Variants in BEND3 observed in about 807,000 individuals in gnomAD.
The protein encoded by BEND3 is BEN domain containing 3.
In BEND3, 13 loss-of-function variants were observed where a neutral mutation model predicts 60.1. The ratio of observed to expected loss-of-function variants is 0.22; its 90% confidence interval spans 0.14 to 0.34. The LOEUF (loss-of-function observed/expected upper bound fraction) is 0.34. BEND3 is among the 10% of genes least tolerant of loss of function. The probability of loss-of-function intolerance (pLI) is 1.00; values close to 1 mark genes in which losing one functional copy is unlikely to be tolerated. For missense variants in BEND3, 896 were observed against 1,138.1 expected (o/e 0.79, Z 3.06); for synonymous variants, 497 against 491.5 (o/e 1.01, Z -0.15).
Position 107,068,607 on chromosome 6 carries a change from T to A in BEND3, c.*97A>T. On this transcript the variant is annotated 3_prime_UTR_variant, in exon 4 of 4. Transcript: ENST00000369042. This position sits in a 1 kb window ranked among gnomAD's most constrained non-coding sequence, Gnocchi z 5.8. Reference sequence around the variant, plus strand: ...CCCACGGACATAAGGTGCCTGTCTGTGGATGCCATAGGCGTGCTCCCAAGT... The same window carrying A: ...CCCACGGACATAAGGTGCCTGTCTGAGGATGCCATAGGCGTGCTCCCAAGT... 7.3e-7 allele frequency: 1 copy of A among 1,365,226 alleles called. No individual in the cohort carries two copies. Among genetic ancestry groups the A allele is most frequent in the Non-Finnish European group, 9.9e-7 (1 of 1,005,476 alleles). The allele number at this position is 1,365,226 out of a possible 1,614,324, so 84.6% of individuals were successfully genotyped here.
At chr6:107,095,796 G>A (rs200407343) in intron 3 of BEND3, among the ~76,000 whole-genome samples, 1 of 152,138 alleles carries the variant, frequency 6.6e-6, no homozygotes, top group East Asian at 1.9e-4. Context: ...AATCTAAAAA[G>A]GCTACACATT....
At chr6:107,114,700 G>A (rs1770222209) in intron 1 of BEND3, among the ~76,000 whole-genome samples, 2 of 146,898 alleles carry the variant, frequency 1.4e-5, no homozygotes, top group Non-Finnish European at 3.0e-5. Context: ...GCGGCGCCCG[G>A]CGGGGGTGCG....
chr6:107,099,548 T>C (rs1554236514), intron 1 of BEND3, among the ~76,000 whole-genome samples: 1 of 152,204 alleles, frequency 6.6e-6, no homozygotes, highest in Non-Finnish European at 1.5e-5. Context: ...CATCCACTGA[T>C]AGCCACTTAC....
intron 3 of BEND3, among the ~76,000 whole-genome samples, chr6:107,074,536 T>C (rs1775059857): frequency 6.6e-6 from 1 of 152,174 alleles, no homozygotes; most frequent in African/African-American, 2.4e-5. Flanking sequence ...AATGACACTC[T>C]CAAGTACACT....
At chr6:107,107,189 G>A (rs1378103273) in intron 1 of BEND3, among the ~76,000 whole-genome samples, 2 of 150,830 alleles carry the variant, frequency 1.3e-5, no homozygotes, top group African/African-American at 2.4e-5. Context: ...CACCCGCCTC[G>A]GCCTCCCAAA....
rs782808924 is a variant in BEND3 at position 107,070,404 on chromosome 6, C to A, written c.787G>T (p.Gly263Trp). The change falls in exon 4 of 4, where the codon GGG becomes TGG. Residue 263 changes from glycine to tryptophan, a missense_variant. Transcript: ENST00000369042. This position sits in a 1 kb window ranked among gnomAD's most constrained non-coding sequence, Gnocchi z 6.9. The part of the protein sequence containing the change: ...LKQIVDQSLS[G>W]GDLACRLLVQ... ...AGCAAGCGGCAGGCCAGGTCCCCCC[C>A]TGACAGGCTCTGGTCCACGATCTGC... is the stretch of plus-strand genomic sequence containing the variant. 3 of 1,613,794 alleles carry A rather than the reference C, an allele frequency of 1.9e-6. No homozygotes were observed. Among genetic ancestry groups the A allele is most frequent in the East Asian group, 2.2e-5 (1 of 44,890 alleles).
At chr6:107,091,310 A>G (rs1775470559) in intron 3 of BEND3, among the ~76,000 whole-genome samples, 1 of 152,186 alleles carries the variant, frequency 6.6e-6, no homozygotes, top group Non-Finnish European at 1.5e-5. Flanking sequence ...AAAAAAAATT[A>G]GTGTAGAAAT....
rs1554231693 is a variant in BEND3, at chr6:107,070,094, C to T, written c.1097G>A (p.Gly366Asp). 3.7e-6 allele frequency: 6 copies of T among 1,613,414 alleles called. No individual in the cohort carries two copies. Among genetic ancestry groups the T allele is most frequent in the Middle Eastern group, 1.7e-4 (1 of 6,058 alleles). The change falls in exon 4 of 4, where the codon GGC becomes GAC. Residue 366 changes from glycine to aspartate, a missense_variant. Gly to Asp is a moderately conservative substitution (Grantham distance 94). Transcript: ENST00000369042. This position sits in a 1 kb window ranked among gnomAD's most constrained non-coding sequence, Gnocchi z 6.9. ...SFFEAEQVDP[G>D]HFLDNKDQEE... ...CTGGTCTTTGTTGTCCAGGAAGTGG[C>T]CGGGGTCCACCTGCTCTGCCTCAAA...
intron 3 of BEND3, among the ~76,000 whole-genome samples, chr6:107,078,727 C>A (rs1376036789): frequency 6.6e-6 from 1 of 151,182 alleles, no homozygotes; most frequent in East Asian, 2.0e-4. Flanking sequence ...CAGTGTCACC[C>A]CTCATGACGG....
intron 3 of BEND3, among the ~76,000 whole-genome samples, chr6:107,076,026 T>C (rs1775093074): frequency 6.6e-6 from 1 of 152,184 alleles, no homozygotes; most frequent in Non-Finnish European, 1.5e-5. Context: ...TTAAAAATGT[T>C]AGTGTCCCAG....
intron 3 of BEND3, among the ~76,000 whole-genome samples, chr6:107,091,165 A>G (rs1022088443): frequency 1.3e-5 from 2 of 152,158 alleles, no homozygotes; most frequent in Non-Finnish European, 2.9e-5. Context: ...TGTGAAATGC[A>G]GCAAAAAGAG....
chr6:107,112,242 G>A (rs962092268), intron 1 of BEND3, among the ~76,000 whole-genome samples: 2 of 152,066 alleles, frequency 1.3e-5, no homozygotes, highest in Non-Finnish European at 2.9e-5. Flanking sequence ...ATTAATATAG[G>A]ATATTACATT....
intron 3 of BEND3, among the ~76,000 whole-genome samples, chr6:107,080,161 C>G (rs1365329842): frequency 6.6e-6 from 1 of 151,588 alleles, no homozygotes; most frequent in Non-Finnish European, 1.5e-5. Context: ...CTTTCGGAGG[C>G]CAAGGTGGGC....
intron 3 of BEND3, among the ~76,000 whole-genome samples, chr6:107,074,726 G>A (rs572679787): frequency 6.6e-6 from 1 of 152,294 alleles, no homozygotes; most frequent in South Asian, 2.1e-4. Flanking sequence ...AAAGGAAGGG[G>A]TGGAGATAGC....
chr6:107,087,960 G>T (rs1554234534), intron 3 of BEND3, among the ~76,000 whole-genome samples: 1 of 99,536 alleles, frequency 1.0e-5, no homozygotes, highest in African/African-American at 3.9e-5. Context: ...AAAAAAGAAA[G>T]GCTAGTGATA....
At position 107,069,007 on chromosome 6, in the gene BEND3, C is replaced by T. The variant is rs1554231300; in HGVS notation, c.2184G>A (p.Glu728=). The change falls in exon 4 of 4, where the codon GAG becomes GAA. Residue 728 remains glutamate, a synonymous_variant. Transcript: ENST00000369042. ...PYLLSDKEVR[E]IVQQSLSVGN... is the part of the protein sequence containing the mutation. ...CCACGGAGAGGCTCTGCTGCACGAT[C>T]TCACGCACCTCCTTGTCAGACAGCA... 4 of 1,613,816 alleles carry T rather than the reference C, an allele frequency of 2.5e-6. No homozygotes were observed. The highest frequency in any genetic ancestry group is 3.4e-6 in the Non-Finnish European group (4 of 1,180,022).
In BEND3 at chr6:107,068,702, C is replaced by T; in HGVS notation, c.*2G>A. ...CCGAATCTCTGGGCAGGTCACGGGC[C>T]TTCACTTCTCCACTTTCTTTGCTTT... On this transcript the variant is annotated 3_prime_UTR_variant, in exon 4 of 4. Coordinates refer to ENST00000369042, the MANE Select transcript of BEND3 (RefSeq NM_001367314.1). The surrounding 1 kb of genome is among the most constrained non-coding windows in gnomAD (Gnocchi z 5.8). The T allele has an allele frequency of 6.2e-7, 1 of 1,611,764 alleles. No homozygotes were observed. Among genetic ancestry groups the T allele is most frequent in the East Asian group, 2.2e-5 (1 of 44,888 alleles).
chr6:107,066,783 G>A lies in BEND3; in HGVS notation c.*1921C>T, dbSNP rs1211582655. 1 of 152,644 alleles carries A rather than the reference G, an allele frequency of 6.6e-6. No individual in the cohort carries two copies. The highest frequency in any genetic ancestry group is 2.4e-5 in the African/African-American group (1 of 41,434). The allele number at this position is 152,644 out of a possible 1,614,324, so 9.5% of individuals were successfully genotyped here. On this transcript the variant is annotated 3_prime_UTR_variant, in exon 4 of 4. Coordinates refer to ENST00000369042, the MANE Select transcript of BEND3 (RefSeq NM_001367314.1). ...GGTAGGGTGCGTGTGTGTGCATGCT[G>A]TGTGCATGTGCTGGAGAGACTAAGG...
Position 107,109,221 on chromosome 6 carries a change from G to A in BEND3, c.-12+5869C>T, listed in dbSNP as rs182820660. On this transcript the variant is annotated intron_variant, in intron 1 of 3. Coordinates refer to ENST00000369042, the MANE Select transcript of BEND3 (RefSeq NM_001367314.1). ...TCCCATCACTTTGGGAGGCCGAGGTGGGAAGATCACCTGAGGTTGAGAGAC... is the reference window on the plus strand; with the variant it reads ...TCCCATCACTTTGGGAGGCCGAGGTAGGAAGATCACCTGAGGTTGAGAGAC... 3.3e-3 allele frequency among the ~76,000 whole-genome samples: 498 copies of A among 151,668 alleles called. 3 individuals are homozygous for A. Among genetic ancestry groups the A allele is most frequent in the African/African-American group, 0.012 (481 of 41,388 alleles).
Sources: gnomAD v4.1 joint callset for allele counts (sites outside exome capture counted in the v4.1 genomes callset) on GRCh38, gnomAD v4.1.1 for gene constraint, Gnocchi (gnomAD v3.1) non-coding constraint, MANE v1.5 for transcripts, NCBI Gene and HGNC (gene_info 2026-07-23, HGNC 2026-07-21) for gene names.